SDHC: variants seen among roughly 807,000 people sequenced by gnomAD.
The protein encoded by SDHC is succinate dehydrogenase cytochrome b560 subunit, mitochondrial.
Under a neutral mutation model 22.6 loss-of-function variants are expected in SDHC, and 11 were observed. The ratio of observed to expected loss-of-function variants is 0.49; its 90% CI spans 0.31 to 0.81. The LOEUF is 0.81. Among genes scored for constraint, SDHC ranks in the 30% least tolerant of loss-of-function variants. The pLI is 0.05. For missense variants in SDHC, 160 were observed against 212.0 expected (o/e 0.75, Z 1.52); for synonymous variants, 80 against 77.8 (o/e 1.03, Z -0.15).
intron 4 of SDHC, among the ~76,000 whole-genome samples, chr1:161,343,900 G>A (rs1193723063): frequency 6.6e-6 from 1 of 152,040 alleles, no homozygotes; most frequent in Admixed American, 6.6e-5. Context: ...GGCTAAAATT[G>A]AATATTTTTC....
intron 4 of SDHC, 36 bp downstream of exon 4, chr1:161,340,691 T>C (rs1671690356): frequency 1.9e-6 from 3 of 1,586,746 alleles, no homozygotes; most frequent in Non-Finnish European, 2.6e-6. Flanking sequence ...CATATGTGCT[T>C]CTTTGAAAAA....
At chr1:161,356,895 G>A (rs2102371766) in intron 5 of SDHC, 55 bp downstream of exon 5, 2 of 1,555,474 alleles carry the variant, frequency 1.3e-6, no homozygotes, top group African/African-American at 1.4e-5. Flanking sequence ...GGGAGACTGG[G>A]AGGATTCTTT....
At chr1:161,321,773 C>T (rs1670847853) in intron 1 of SDHC, among the ~76,000 whole-genome samples, 1 of 152,176 alleles carries the variant, frequency 6.6e-6, no homozygotes, top group African/African-American at 2.4e-5. Context: ...GTGTGAGGGA[C>T]ATCATGAGCT....
At chr1:161,339,498 T>C (rs1223211168) in intron 3 of SDHC, 6 of 893,944 alleles carry the variant, frequency 6.7e-6, no homozygotes, top group African/African-American at 1.7e-5. Context: ...TTAATGAGTG[T>C]CTTTGACCCA....
rs1672585651 is a variant in SDHC, at chr1:161,362,917, A to C, written c.*484A>C. Reference sequence around the variant, plus strand: ...GAGAGCCCAGGCCATTAACACCTACACAGTGTTATTGAAAGAAGAGAGGTG... The same window carrying C: ...GAGAGCCCAGGCCATTAACACCTACCCAGTGTTATTGAAAGAAGAGAGGTG... On this transcript the variant is annotated 3_prime_UTR_variant, in exon 6 of 6. Transcript: ENST00000367975. 1.3e-5 allele frequency: 5 copies of C among 384,964 alleles called. No homozygotes were observed. The highest frequency in any genetic ancestry group is 4.0e-5 in the Admixed American group (1 of 24,710). 23.8% of individuals were successfully genotyped at this position (384,964 alleles called of 1,614,324 possible).
chr1:161,329,033 G>A (rs1671175202), intron 3 of SDHC, among the ~76,000 whole-genome samples: 1 of 151,986 alleles, frequency 6.6e-6, no homozygotes, highest in Admixed American at 6.6e-5. Context: ...TCAGCCTCCC[G>A]AGTAGCTGGG....
At position 161,334,834 on chromosome 1, in the gene SDHC, A is replaced by G. The variant is rs548581263; in HGVS notation, c.180-5760A>G. Among the ~76,000 whole-genome samples, 3 of 152,328 alleles carry G rather than the reference A, an allele frequency of 2.0e-5. No individual in the cohort carries two copies. The East Asian group carries it at 5.8e-4, about 29-fold the overall frequency. ...ATAGGTTCTAGAGATTAGAACATGAACATCTTTAAGGAGACTATTATTCTG... is the reference window on the plus strand; with the variant it reads ...ATAGGTTCTAGAGATTAGAACATGAGCATCTTTAAGGAGACTATTATTCTG... On this transcript the variant is annotated intron_variant, in intron 3 of 5. Coordinates refer to ENST00000367975, the MANE Select transcript of SDHC (RefSeq NM_003001.5).
intron 4 of SDHC, among the ~76,000 whole-genome samples, chr1:161,350,421 C>A (rs1672063661): frequency 6.6e-6 from 1 of 152,132 alleles, no homozygotes; most frequent in Non-Finnish European, 1.5e-5. Context: ...AGTATAAATT[C>A]TTTCACAGTG....
At chr1:161,324,402 A>T (rs769556290) in intron 2 of SDHC, among the ~76,000 whole-genome samples, 2 of 152,198 alleles carry the variant, frequency 1.3e-5, no homozygotes, top group South Asian at 4.1e-4. Flanking sequence ...CTGGACTTTC[A>T]TGGTGTATAT....
chr1:161,344,797 G>A (rs1480839979), intron 4 of SDHC, among the ~76,000 whole-genome samples: 1 of 152,132 alleles, frequency 6.6e-6, no homozygotes, highest in Non-Finnish European at 1.5e-5. Flanking sequence ...TATGCTCTGG[G>A]TTTTGCTTTA....
rs71270444 is a variant in SDHC, at chr1:161,320,828, A to ATTTTTTTTTT, written c.21-2778_21-2769dup. On this transcript the variant is annotated intron_variant, in intron 1 of 5. Coordinates refer to ENST00000367975, the MANE Select transcript of SDHC (RefSeq NM_003001.5). ...AACTTATTCTAAGACTTCAGTCTTG[A>ATTTTTTTTTT]TTTTTTTTTTTTTTTTTGAGATGGA... 7.1e-5 allele frequency among the ~76,000 whole-genome samples: 9 copies of ATTTTTTTTTT among 127,652 alleles called. 1 individual carries two copies. Among genetic ancestry groups the ATTTTTTTTTT allele is most frequent in the Non-Finnish European group, 1.1e-4 (7 of 62,630 alleles). 83.7% of individuals were successfully genotyped at this position (127,652 alleles called of 152,430 possible).
intron 4 of SDHC, among the ~76,000 whole-genome samples, chr1:161,356,245 TCTC>T (rs1263033597): frequency 2.0e-5 from 3 of 151,802 alleles, no homozygotes; most frequent in Non-Finnish European, 4.4e-5. Flanking sequence ...GTTTAAATCT[TCTC>T]CTTTTCAAGG....
intron 5 of SDHC, among the ~76,000 whole-genome samples, chr1:161,361,327 T>C (rs1342327051): frequency 1.3e-5 from 2 of 152,036 alleles, no homozygotes; most frequent in South Asian, 2.1e-4. Context: ...TGCTATATTA[T>C]ATATACATAT....
At chr1:161,339,482 C>T in intron 3 of SDHC, 1 of 760,626 alleles carries the variant, frequency 1.3e-6, no homozygotes, top group Non-Finnish European at 1.9e-6. Context: ...CATGCCAGCT[C>T]CAACTTTAAT....
intron 3 of SDHC, among the ~76,000 whole-genome samples, chr1:161,338,989 C>T (rs1014949764): frequency 1.3e-5 from 2 of 152,134 alleles, no homozygotes; most frequent in African/African-American, 2.4e-5. Context: ...GCTGGGATTA[C>T]AGGCATGCAC....
chr1:161,350,743 T>G lies in SDHC; in HGVS notation c.242-5934T>G, dbSNP rs148663469. ...GCCATGTTTGGTCAACAGATGTACT[T>G]TGTTTCTTTGTGCTGTGATGAAAAG... On this transcript the variant is annotated intron_variant, in intron 4 of 5. Transcript: ENST00000367975. Among the ~76,000 whole-genome samples the G allele has an allele frequency of 1.5e-3, 228 of 152,302 alleles. 2 individuals are homozygous for G. The highest frequency in any genetic ancestry group is 1.8e-3 in the Non-Finnish European group (121 of 68,020).
intron 1 of SDHC, among the ~76,000 whole-genome samples, chr1:161,316,507 C>T (rs1005888206): frequency 1.3e-5 from 2 of 152,186 alleles, no homozygotes; most frequent in African/African-American, 4.8e-5. Flanking sequence ...TAAGGGAGCA[C>T]AGGGTTGGAG....
intron 5 of SDHC, among the ~76,000 whole-genome samples, chr1:161,360,996 C>T (rs1672488238): frequency 6.6e-6 from 1 of 151,914 alleles, no homozygotes; most frequent in South Asian, 2.1e-4. Flanking sequence ...GCCTGTAGTC[C>T]CAGCCACTGG....
At chr1:161,329,757 T>A (rs188723833) in intron 3 of SDHC, among the ~76,000 whole-genome samples, 17 of 152,374 alleles carry the variant, frequency 1.1e-4, no homozygotes, top group Non-Finnish European at 2.4e-4. Context: ...AGGCTAAAAT[T>A]AAGTTGTTTG....
Sources: allele counts gnomAD v4.1 joint callset (sites outside exome capture counted in the v4.1 genomes callset), GRCh38; gene constraint gnomAD v4.1.1; transcripts MANE v1.5; gene names NCBI Gene and HGNC (gene_info 2026-07-23, HGNC 2026-07-21).